Variants in SOX6 observed in about 807,000 individuals in gnomAD.
SOX6 encodes the protein SRY-box transcription factor 6, also known as transcription factor SOX-6.
A neutral mutation model predicts 97.8 loss-of-function variants in SOX6; 11 were observed. The observed-to-expected ratio is 0.11, with a 90% CI of 0.07 to 0.19. The LOEUF (loss-of-function observed/expected upper bound fraction) is 0.19, where lower values mean the gene tolerates loss of function less well. Among genes scored for constraint, SOX6 ranks in the 10% least tolerant of loss-of-function variants. The probability of loss-of-function intolerance (pLI) is 1.00; values close to 1 mark genes in which losing one functional copy is unlikely to be tolerated. For synonymous variants in SOX6, 360 were observed against 371.4 expected (o/e 0.97, Z 0.35); for missense variants, 810 against 1,039.5 (o/e 0.78, Z 3.04).
At chr11:16,722,709 C>G (rs113687274) in intron 2 of SOX6, among the ~76,000 whole-genome samples, 1 of 152,092 alleles carries the variant, frequency 6.6e-6, no homozygotes, top group African/African-American at 2.4e-5. Context: ...TACATGCAGC[C>G]AATGAGCATA....
chr11:16,569,299 C>A (rs1847911598), intron 4 of SOX6, among the ~76,000 whole-genome samples: 1 of 152,060 alleles, frequency 6.6e-6, no homozygotes, highest in African/African-American at 2.4e-5. Context: ...AAACAAAATG[C>A]CAGTGCAACA....
At chr11:16,374,043 A>G (rs538251101) in intron 1 of SOX6, among the ~76,000 whole-genome samples, 6 of 152,094 alleles carry the variant, frequency 3.9e-5, no homozygotes, top group Non-Finnish European at 7.4e-5. Context: ...CTTTAACTCA[A>G]TACAGTTACT....
chr11:16,614,314 G>C (rs1848441553), intron 3 of SOX6, among the ~76,000 whole-genome samples: 2 of 152,092 alleles, frequency 1.3e-5, no homozygotes, highest in Non-Finnish European at 2.9e-5. Flanking sequence ...CGGAACAGTA[G>C]ACAAAGGGAC....
intron 1 of SOX6, among the ~76,000 whole-genome samples, chr11:16,436,180 C>T (rs901646946): frequency 6.6e-6 from 1 of 152,176 alleles, no homozygotes; most frequent in African/African-American, 2.4e-5. Context: ...TGTTTCTGCA[C>T]ATGTATCCCG....
intron 2 of SOX6, among the ~76,000 whole-genome samples, chr11:16,716,826 A>G (rs528951265): frequency 6.6e-6 from 1 of 152,244 alleles, no homozygotes; most frequent in Admixed American, 6.5e-5. Flanking sequence ...GTATGATTCT[A>G]TTTAAATAAA....
At chr11:16,695,581 G>T (rs1468494032) in intron 3 of SOX6, among the ~76,000 whole-genome samples, 4 of 152,188 alleles carry the variant, frequency 2.6e-5, no homozygotes, top group Non-Finnish European at 5.9e-5. Flanking sequence ...TTGCCTGATG[G>T]CAAGAGACAG....
In SOX6 at chr11:16,330,310, T is replaced by G. The variant is rs1403949681; in HGVS notation, c.237+10702A>C. Reference sequence around the variant, plus strand: ...GGCTCATGCCTATAATCCCAGCACTTTGGGAGGCCGAGGCGGGCAAATCAG... The same window carrying G: ...GGCTCATGCCTATAATCCCAGCACTGTGGGAGGCCGAGGCGGGCAAATCAG... On this transcript the variant is annotated intron_variant, in intron 2 of 15. Transcript: ENST00000683767. Among the ~76,000 whole-genome samples the G allele has an allele frequency of 2.6e-5, 4 of 152,110 alleles. No homozygotes were observed. The East Asian group carries it at 5.8e-4, about 22-fold the overall frequency.
At chr11:16,290,030 G>A (rs1230864762) in intron 3 of SOX6, among the ~76,000 whole-genome samples, 1 of 151,936 alleles carries the variant, frequency 6.6e-6, no homozygotes, top group Non-Finnish European at 1.5e-5. Flanking sequence ...TCCTACACCT[G>A]CAATGATTTC....
intron 1 of SOX6, among the ~76,000 whole-genome samples, chr11:16,427,596 T>G (rs1322751049): frequency 1.3e-5 from 2 of 152,110 alleles, no homozygotes; most frequent in Non-Finnish European, 2.9e-5. Flanking sequence ...TTTTTGTCCT[T>G]GCAATAGTTT....
intron 9 of SOX6, among the ~76,000 whole-genome samples, chr11:16,075,285 C>G (rs188718943): frequency 7.0e-4 from 106 of 152,270 alleles, no homozygotes; most frequent in African/African-American, 2.5e-3. Flanking sequence ...TGGGAGACCT[C>G]ACAATCATGG....
chr11:16,647,935 G>A (rs1244190910), intron 3 of SOX6, among the ~76,000 whole-genome samples: 3 of 152,196 alleles, frequency 2.0e-5, no homozygotes, highest in Non-Finnish European at 4.4e-5. Context: ...CAGTGGAATT[G>A]TGGGGGAGGG....
intron 3 of SOX6, among the ~76,000 whole-genome samples, chr11:16,254,583 A>G (rs918492520): frequency 6.6e-6 from 1 of 152,040 alleles, no homozygotes; most frequent in African/African-American, 2.4e-5. Flanking sequence ...TTGTAACTGA[A>G]TATTGTAAAC....
intron 3 of SOX6, among the ~76,000 whole-genome samples, chr11:16,629,523 T>C (rs1358393228): frequency 6.6e-6 from 1 of 152,190 alleles, no homozygotes; most frequent in African/African-American, 2.4e-5. Context: ...CTTTTGTGTC[T>C]ATACTCACCA....
chr11:16,186,175 T>C (rs1168297176), intron 5 of SOX6, among the ~76,000 whole-genome samples: 1 of 152,190 alleles, frequency 6.6e-6, no homozygotes, highest in Non-Finnish European at 1.5e-5. Context: ...TTAGGAACGA[T>C]GTACTAATTT....
At chr11:16,526,005 G>C (rs969442545) in intron 4 of SOX6, among the ~76,000 whole-genome samples, 1 of 152,272 alleles carries the variant, frequency 6.6e-6, no homozygotes, top group South Asian at 2.1e-4. Context: ...AGAGGATGTG[G>C]AGAAATAGGA....
In SOX6 at chr11:16,563,234, T is replaced by C. The variant is rs553377380; in HGVS notation, n.609+48847A>G. 5.2e-4 allele frequency among the ~76,000 whole-genome samples: 79 copies of C among 151,510 alleles called. 1 individual carries two copies. In the South Asian group the frequency reaches 0.01, roughly 20 times the overall value. ...GTAGAAAACATAAAGAAGAACCAAA[T>C]GAAAAAAAAACTGAAAACTACAATA... On this transcript the variant is annotated intron_variant and non_coding_transcript_variant, in intron 4 of 5. Coordinates refer to the SOX6 transcript ENST00000524520.
chr11:16,132,311 G>C lies in SOX6; in HGVS notation c.778-20388C>G, dbSNP rs373587485. On this transcript the variant is annotated intron_variant, in intron 6 of 15. Coordinates refer to ENST00000683767, the MANE Select transcript of SOX6 (RefSeq NM_001367873.1). ...GGAAGGAAGGAAGGAAGGAAGGAAG[G>C]AAGGAAGGAAGGAAGGAAGGAAAGA... 4.4e-5 allele frequency among the ~76,000 whole-genome samples: 5 copies of C among 113,296 alleles called. No individual in the cohort carries two copies. The East Asian group carries it at 1.6e-3, about 37-fold the overall frequency. 74.3% of individuals were successfully genotyped at this position (113,296 alleles called of 152,430 possible). A position where few individuals can be genotyped will look rare whatever the true frequency, so the allele number is the denominator to read the frequency against.
chr11:16,009,155 A>T (rs971583155), intron 13 of SOX6, among the ~76,000 whole-genome samples: 1 of 151,980 alleles, frequency 6.6e-6, no homozygotes, highest in Non-Finnish European at 1.5e-5. Flanking sequence ...TAGTAGTTGG[A>T]TACCTTCTTG....
intron 1 of SOX6, among the ~76,000 whole-genome samples, chr11:16,365,449 A>G (rs960654457): frequency 2.0e-5 from 3 of 152,050 alleles, no homozygotes; most frequent in African/African-American, 7.2e-5. Context: ...AACAATTTTA[A>G]TATCTATAAT....
Sources: gnomAD v4.1 joint callset for allele counts (sites outside exome capture counted in the v4.1 genomes callset) on GRCh38, gnomAD v4.1.1 for gene constraint, MANE v1.5 for transcripts, NCBI Gene and HGNC (gene_info 2026-07-23, HGNC 2026-07-21) for gene names.